SH2D2A: variants seen among roughly 807,000 people sequenced by gnomAD.
The protein encoded by SH2D2A is SH2 domain containing 2A, also known as SH2 domain-containing protein 2A.
In SH2D2A, 33 loss-of-function variants were observed where a neutral mutation model predicts 43.6. The observed-to-expected ratio is 0.76, with a 90% CI of 0.57 to 1.01. SH2D2A has a LOEUF of 1.01. Ranked by LOEUF, SH2D2A falls within the 50% of genes least tolerant of loss-of-function variation. The pLI is 0.00. For synonymous variants in SH2D2A, 212 were observed against 206.1 expected, an observed-to-expected ratio of 1.03 and a Z score of -0.25; for missense variants, 491 against 503.1, an observed-to-expected ratio of 0.98 and a Z score of 0.23.
Position 156,816,082 on chromosome 1 carries a change from G to A in SH2D2A, c.47C>T (p.Ala16Val), listed in dbSNP as rs1382512428. Residue 16 changes from alanine (A) to valine (V), a missense_variant, in exon 2 of 9, where the codon GCC (alanine) becomes GTC (valine). Coordinates refer to ENST00000368199, the MANE Select transcript of SH2D2A (RefSeq NM_003975.4). The stretch of plus-strand genomic sequence containing the variant: ...GAAGGTGCTGAAGGTTGGGATGGGG[G>A]CTTCGTGACTCCCTGTGAGCACAAA... ...AQICPQGSHE[A>V]PIPTFSTFQI... The A allele has an allele frequency of 1.9e-6, 3 of 1,613,492 alleles. No individual in the cohort carries two copies. The highest frequency in any genetic ancestry group is 1.3e-5 in the African/African-American group (1 of 74,914).
rs755126626 is a variant in SH2D2A at position 156,814,305 on chromosome 1, C to G, written c.309-11G>C. 46 of 1,612,202 alleles carry G rather than the reference C, an allele frequency of 2.9e-5. No individual in the cohort carries two copies. The highest frequency in any genetic ancestry group is 3.9e-5 in the Non-Finnish European group (46 of 1,179,296). On this transcript the variant is annotated splice_polypyrimidine_tract_variant and intron_variant, in intron 3 of 8. Transcript: ENST00000368199. The stretch of plus-strand genomic sequence containing the variant: ...AGCCTCTCTGCCTCCCTGTGGGTGA[C>G]GGAGAGAGGGGGCCGAACCCTGCTC...
At position 156,809,224 on chromosome 1, in the gene SH2D2A, G is replaced by A; in HGVS notation, c.981C>T (p.Ser327=). 3.1e-6 allele frequency: 5 copies of A among 1,612,982 alleles called. No individual in the cohort carries two copies. The highest frequency in any genetic ancestry group is 4.2e-6 in the Non-Finnish European group (5 of 1,179,366). ...TTACCTGGCCTCCTGGGACAGGCCTGGACCAGCTCTTCCGTAGGACAGGGT... is the reference window on the plus strand; with the variant it reads ...TTACCTGGCCTCCTGGGACAGGCCTAGACCAGCTCTTCCGTAGGACAGGGT... The part of the protein sequence containing the change: ...LGHPVLRKSW[S]RPVPGGQNTG... The change falls in exon 7 of 9, where the codon TCC becomes TCT. Residue 327 remains serine, a synonymous_variant. Transcript: ENST00000368199. The surrounding 1 kb of genome is among the most constrained non-coding windows in gnomAD (Gnocchi z 4.8).
At chr1:156,808,861 G>A (rs1050864965) in intron 7 of SH2D2A, among the ~76,000 whole-genome samples, 4 of 152,318 alleles carry the variant, frequency 2.6e-5, no homozygotes, top group Middle Eastern at 3.4e-3. Flanking sequence ...CCCCAGGTGC[G>A]TCTGAAGAGG....
chr1:156,810,672 C>T (rs993920248), intron 5 of SH2D2A, among the ~76,000 whole-genome samples: 1 of 152,146 alleles, frequency 6.6e-6, no homozygotes, highest in Non-Finnish European at 1.5e-5. Context: ...AGGCGCCCAC[C>T]ACCACACCCA....
At position 156,807,691 on chromosome 1, in the gene SH2D2A, G is replaced by A. The variant is rs1365418827; in HGVS notation, c.1003-346C>T. Among the ~76,000 whole-genome samples the A allele has an allele frequency of 1.3e-5, 2 of 152,242 alleles. No individual in the cohort carries two copies. Among genetic ancestry groups the A allele is most frequent in the African/African-American group, 4.8e-5 (2 of 41,462 alleles). On this transcript the variant is annotated intron_variant, in intron 7 of 8. Transcript: ENST00000368199. The surrounding 1 kb of genome is among the most constrained non-coding windows in gnomAD (Gnocchi z 5.1). The stretch of plus-strand genomic sequence containing the variant: ...GCACAGGGGGTGGCCTCTGAGAAGG[G>A]AAAGCTGGTCTTGAAGGATGATTAG...
chr1:156,810,515 A>T (rs1653333683), intron 5 of SH2D2A, among the ~76,000 whole-genome samples: 1 of 149,706 alleles, frequency 6.7e-6, no homozygotes, highest in African/African-American at 2.4e-5. Context: ...ACTTTATGGA[A>T]ATATAAGCTA....
At chr1:156,813,521 G>A (rs1003612787) in intron 5 of SH2D2A, among the ~76,000 whole-genome samples, 2 of 152,146 alleles carry the variant, frequency 1.3e-5, no homozygotes, top group Admixed American at 1.3e-4. Context: ...ACTCCAGCCT[G>A]CGCGACAGAG....
intron 3 of SH2D2A, chr1:156,814,568 CA>C: frequency 1.9e-6 from 1 of 512,966 alleles, no homozygotes; most frequent in Non-Finnish European, 3.4e-6. Flanking sequence ...GCTGCTACTG[CA>C]GCTACAGGGA....
chr1:156,811,386 G>A (rs1653407812), intron 5 of SH2D2A, among the ~76,000 whole-genome samples: 1 of 152,150 alleles, frequency 6.6e-6, no homozygotes, highest in Admixed American at 6.5e-5. Context: ...TCCTTGGGTG[G>A]CAGCCCATTG....
intron 5 of SH2D2A, among the ~76,000 whole-genome samples, chr1:156,812,950 C>G (rs1653525862): frequency 6.6e-6 from 1 of 152,208 alleles, no homozygotes; most frequent in African/African-American, 2.4e-5. Flanking sequence ...CTCAGCACTG[C>G]CTGAACTTGT....
intron 5 of SH2D2A, among the ~76,000 whole-genome samples, chr1:156,811,149 T>G (rs1430291225): frequency 1.3e-5 from 2 of 152,194 alleles, no homozygotes; most frequent in Non-Finnish European, 2.9e-5. Flanking sequence ...AAACAGCACC[T>G]TAGGAGTCAT....
intron 7 of SH2D2A, among the ~76,000 whole-genome samples, chr1:156,808,063 G>A (rs1653096299): frequency 6.6e-6 from 1 of 152,078 alleles, no homozygotes; most frequent in Non-Finnish European, 1.5e-5. Context: ...GAGGTGGGAG[G>A]ATCACTTGCA....
Position 156,809,222 on chromosome 1 carries a change from C to G in SH2D2A, c.983G>C (p.Arg328Thr). The G allele has an allele frequency of 1.9e-6, 3 of 1,612,710 alleles. No individual in the cohort carries two copies. Reference protein sequence around the residue: ...GHPVLRKSWSRPVPGGQNTGG... With the variant: ...GHPVLRKSWSTPVPGGQNTGG... The stretch of plus-strand genomic sequence containing the variant: ...ATTTACCTGGCCTCCTGGGACAGGC[C>G]TGGACCAGCTCTTCCGTAGGACAGG... The change falls in exon 7 of 9, where the codon AGG becomes ACG. Residue 328 changes from arginine (R) to threonine (T), a missense_variant. Arg to Thr is a moderately conservative substitution (Grantham distance 71). Coordinates refer to ENST00000368199, the MANE Select transcript of SH2D2A (RefSeq NM_003975.4). This position sits in a 1 kb window ranked among gnomAD's most constrained non-coding sequence, Gnocchi z 4.8.
In SH2D2A at chr1:156,809,889, C is replaced by T. The variant is rs1653288896; in HGVS notation, c.568-82G>A. On this transcript the variant is annotated intron_variant, in intron 5 of 8. Transcript: ENST00000368199. This position sits in a 1 kb window ranked among gnomAD's most constrained non-coding sequence, Gnocchi z 4.8. ...GATCAGGAGGACAAAATAATCCAGT[C>T]TAAGTGGAGGATGGGGGAAGGGGGA... 1.3e-6 allele frequency: 2 copies of T among 1,503,024 alleles called. No homozygotes were observed. Among genetic ancestry groups the T allele is most frequent in the African/African-American group, 1.4e-5 (1 of 70,588 alleles). 93.1% of individuals were successfully genotyped at this position (1,503,024 alleles called of 1,614,324 possible). A position where few individuals can be genotyped will look rare whatever the true frequency, so the allele number is the denominator to read the frequency against.
chr1:156,814,106 G>T, intron 4 of SH2D2A, 90 bp from the exon 5 acceptor site: 3 of 1,527,826 alleles, frequency 2.0e-6, no homozygotes, highest in Non-Finnish European at 2.6e-6. Context: ...AGCAGCCCGG[G>T]GAATGAGCTA....
Position 156,807,629 on chromosome 1 carries a change from G to A in SH2D2A, c.1003-284C>T, listed in dbSNP as rs2102787596. On this transcript the variant is annotated intron_variant, in intron 7 of 8. Transcript: ENST00000368199. The surrounding 1 kb of genome is among the most constrained non-coding windows in gnomAD (Gnocchi z 5.1). ...GAGAAGGAGATGGGAGGAGATGGAT[G>A]TCTCAGGTGATCAGTGGCATGGCAG... Among the ~76,000 whole-genome samples the A allele has an allele frequency of 6.6e-6, 1 of 152,364 alleles. No individual in the cohort carries two copies. Among genetic ancestry groups the A allele is most frequent in the East Asian group, 1.9e-4 (1 of 5,172 alleles).
rs1653917928 is a variant in SH2D2A at position 156,816,236 on chromosome 1, G to A, written c.35-142C>T. On this transcript the variant is annotated intron_variant, in intron 1 of 8. Coordinates refer to ENST00000368199, the MANE Select transcript of SH2D2A (RefSeq NM_003975.4). ...GGAAAAACGCAGAAGGGCAGCAGGG[G>A]AGTTTCTCAGGCATGAGGTTAAGTA... is the stretch of plus-strand genomic sequence containing the variant. The A allele has an allele frequency of 2.9e-6, 4 of 1,376,284 alleles. No homozygotes were observed. In the Admixed American group the frequency reaches 8.5e-5, roughly 29 times the overall value. 85.3% of individuals were successfully genotyped at this position (1,376,284 alleles called of 1,614,324 possible). A position where few individuals can be genotyped will look rare whatever the true frequency, so the allele number is the denominator to read the frequency against.
At chr1:156,811,415 T>C (rs1286257218) in intron 5 of SH2D2A, among the ~76,000 whole-genome samples, 1 of 152,152 alleles carries the variant, frequency 6.6e-6, no homozygotes, top group Non-Finnish European at 1.5e-5. Context: ...TAAGTCAGAC[T>C]CCTGAGAGCT....
chr1:156,814,940 G>T, intron 3 of SH2D2A, 97 bp downstream of exon 3: 1 of 1,128,266 alleles, frequency 8.9e-7, no homozygotes, highest in Non-Finnish European at 1.2e-6. Flanking sequence ...CAGACTGGTA[G>T]AAGTGGGAGC....
Sources: gnomAD v4.1 joint callset for allele counts (sites outside exome capture counted in the v4.1 genomes callset) on GRCh38, gnomAD v4.1.1 for gene constraint, Gnocchi (gnomAD v3.1) non-coding constraint, MANE v1.5 for transcripts, NCBI Gene and HGNC (gene_info 2026-07-23, HGNC 2026-07-21) for gene names.